ZNF385B: variants seen among roughly 807,000 people sequenced by gnomAD.
ZNF385B encodes the protein zinc finger protein 533.
Under a neutral mutation model 39.2 loss-of-function variants are expected in ZNF385B, and 23 were observed. That is an observed-to-expected ratio of 0.59 (90% CI 0.42 to 0.83). The LOEUF (loss-of-function observed/expected upper bound fraction) is 0.83, where lower values mean the gene tolerates loss of function less well. Ranked by LOEUF, ZNF385B falls within the 40% of genes least tolerant of loss-of-function variation. The pLI, the probability that ZNF385B is intolerant of heterozygous loss-of-function variation, is 0.00. For missense variants in ZNF385B, 552 were observed against 598.9 expected, an observed-to-expected ratio of 0.92 and a Z score of 0.82; for synonymous variants, 205 against 222.6, an observed-to-expected ratio of 0.92 and a Z score of 0.70.
intron 1 of ZNF385B, among the ~76,000 whole-genome samples, chr2:179,798,117 A>C (rs1257534227): frequency 6.6e-6 from 1 of 151,982 alleles, no homozygotes; most frequent in Non-Finnish European, 1.5e-5. Flanking sequence ...GGATTCTAAC[A>C]TATCTCATGT....
At chr2:179,706,225 T>C (rs1189113162) in intron 3 of ZNF385B, among the ~76,000 whole-genome samples, 2 of 152,082 alleles carry the variant, frequency 1.3e-5, no homozygotes, top group Non-Finnish European at 2.9e-5. Flanking sequence ...GGTTGCCAGG[T>C]AGAGGTTTTT....
intron 3 of ZNF385B, among the ~76,000 whole-genome samples, chr2:179,653,512 G>A (rs1693412632): frequency 6.6e-6 from 1 of 152,052 alleles, no homozygotes; most frequent in Non-Finnish European, 1.5e-5. Flanking sequence ...CTTAACATCA[G>A]CTACTCACTC....
chr2:179,485,509 G>A (rs551885460), intron 5 of ZNF385B, among the ~76,000 whole-genome samples: 2 of 152,154 alleles, frequency 1.3e-5, no homozygotes, highest in East Asian at 3.9e-4. Flanking sequence ...GTGATGGTGA[G>A]CACCACTTCA....
At chr2:179,652,330 T>C (rs771472486) in intron 3 of ZNF385B, among the ~76,000 whole-genome samples, 24 of 152,210 alleles carry the variant, frequency 1.6e-4, no homozygotes, top group Non-Finnish European at 3.1e-4. Context: ...CTGACCTCCC[T>C]AATTCACAGT....
At chr2:179,666,925 A>G (rs1695236284) in intron 3 of ZNF385B, among the ~76,000 whole-genome samples, 1 of 152,192 alleles carries the variant, frequency 6.6e-6, no homozygotes, top group South Asian at 2.1e-4. Context: ...TGTTTTATCT[A>G]GATTCATTTA....
rs937400329 is a variant in ZNF385B, at chr2:179,445,520, A to G, written c.1140+30T>C. On this transcript the variant is annotated intron_variant, in intron 8 of 9. Coordinates refer to ENST00000410066, the MANE Select transcript of ZNF385B (RefSeq NM_152520.6). The stretch of plus-strand genomic sequence containing the variant: ...ACACAGTCAAGTGGTGACCTAAAAC[A>G]ATAATGTTTACTAATTCAGGATACG... The G allele has an allele frequency of 3.1e-6, 5 of 1,588,936 alleles. No homozygotes were observed. In the South Asian group the frequency reaches 5.8e-5, roughly 19 times the overall value.
chr2:179,545,067 G>T (rs1574717114), intron 3 of ZNF385B, 98 bp from the exon 4 acceptor site: 3 of 1,480,052 alleles, frequency 2.0e-6, no homozygotes, highest in Non-Finnish European at 2.8e-6. Context: ...GCTGCAACTT[G>T]CAAGCAAGAG....
At chr2:179,766,638 G>A (rs80280996) in intron 3 of ZNF385B, among the ~76,000 whole-genome samples, 7,392 of 151,832 alleles carry the variant, frequency 0.049, 256 homozygotes, top group Middle Eastern at 0.078. Flanking sequence ...CCGAATTTCC[G>A]TTTTTTTGTA....
At chr2:179,607,423 A>T (rs375285222) in intron 3 of ZNF385B, among the ~76,000 whole-genome samples, 1 of 152,166 alleles carries the variant, frequency 6.6e-6, no homozygotes, top group East Asian at 1.9e-4. Flanking sequence ...TCCTGCCAGC[A>T]TGTAAGATGT....
At chr2:179,631,751 C>A (rs535031497) in intron 3 of ZNF385B, among the ~76,000 whole-genome samples, 2 of 152,076 alleles carry the variant, frequency 1.3e-5, no homozygotes, top group Non-Finnish European at 2.9e-5. Flanking sequence ...CAAGACCCAT[C>A]GGTGTGCTGT....
At position 179,845,179 on chromosome 2, in the gene ZNF385B, A is replaced by T. The variant is rs1468836558; in HGVS notation, c.-155+15922T>A. On this transcript the variant is annotated intron_variant, in intron 1 of 9. Coordinates refer to ENST00000410066, the MANE Select transcript of ZNF385B (RefSeq NM_152520.6). ...CATCATAGAATATTTTCTCCATATA[A>T]ATATATATGCTGACAGCAAATTATT... is the stretch of plus-strand genomic sequence containing the variant. Among the ~76,000 whole-genome samples the T allele has an allele frequency of 2.0e-5, 3 of 152,290 alleles. No individual in the cohort carries two copies. In the East Asian group the frequency reaches 5.8e-4, roughly 29 times the overall value.
At chr2:179,773,328 A>C (rs1461552748) in intron 1 of ZNF385B, among the ~76,000 whole-genome samples, 2 of 152,144 alleles carry the variant, frequency 1.3e-5, no homozygotes, top group Admixed American at 6.5e-5. Flanking sequence ...TCCTCAACTC[A>C]AGTCAATCGG....
chr2:179,482,928 A>G (rs1053041792), intron 6 of ZNF385B, among the ~76,000 whole-genome samples: 4 of 152,006 alleles, frequency 2.6e-5, no homozygotes, highest in African/African-American at 9.7e-5. Context: ...AAATAAATAG[A>G]AAGAAGTAAT....
chr2:179,614,345 A>C (rs964598434), intron 3 of ZNF385B, among the ~76,000 whole-genome samples: 2 of 152,010 alleles, frequency 1.3e-5, no homozygotes, highest in African/African-American at 4.8e-5. Context: ...AATCTACAAC[A>C]ATGCTTGGAA....
intron 3 of ZNF385B, among the ~76,000 whole-genome samples, chr2:179,633,506 T>A (rs765374370): frequency 2.0e-5 from 3 of 152,206 alleles, no homozygotes; most frequent in Non-Finnish European, 2.9e-5. Flanking sequence ...TCAGCAGACC[T>A]TCATGCTAAA....
At chr2:179,474,692 T>C (rs2105541865) in intron 6 of ZNF385B, among the ~76,000 whole-genome samples, 1 of 152,304 alleles carries the variant, frequency 6.6e-6, no homozygotes, top group South Asian at 2.1e-4. Flanking sequence ...GATCTACTTT[T>C]CTAGAATATA....
At chr2:179,767,767 A>G (rs142383554) in intron 3 of ZNF385B, among the ~76,000 whole-genome samples, 2,534 of 152,190 alleles carry the variant, frequency 0.017, 28 homozygotes, top group Middle Eastern at 0.041. Flanking sequence ...AATTTCCTCT[A>G]TCATGAGATA....
At chr2:179,743,356 A>G (rs766737415) in intron 3 of ZNF385B, among the ~76,000 whole-genome samples, 20 of 152,052 alleles carry the variant, frequency 1.3e-4, no homozygotes, top group Non-Finnish European at 2.6e-4. Context: ...AAAACACAAA[A>G]TTGTTTTCTA....
intron 3 of ZNF385B, among the ~76,000 whole-genome samples, chr2:179,602,405 A>G (rs1450406560): frequency 6.6e-6 from 1 of 152,138 alleles, no homozygotes; most frequent in African/African-American, 2.4e-5. Context: ...CATGTTGGCC[A>G]GGCTGGTCTC....
Sources: allele counts gnomAD v4.1 joint callset (sites outside exome capture counted in the v4.1 genomes callset), GRCh38; gene constraint gnomAD v4.1.1; transcripts MANE v1.5; gene names NCBI Gene and HGNC (gene_info 2026-07-23, HGNC 2026-07-21).